Variants in KANSL1L observed in about 807,000 individuals in gnomAD.
The protein encoded by KANSL1L is KAT8 regulatory NSL complex subunit 1-like protein.
KANSL1L carries 25 observed loss-of-function variants against 108.6 expected under a neutral mutation model. That is an observed-to-expected ratio of 0.23 (90% CI 0.17 to 0.32). The LOEUF (loss-of-function observed/expected upper bound fraction) is 0.32, where lower values mean the gene tolerates loss of function less well. Among genes scored for constraint, KANSL1L ranks in the 10% least tolerant of loss-of-function variants. KANSL1L has a pLI of 1.00. For missense variants in KANSL1L, 1,137 were observed against 1,125.7 expected (o/e 1.01, Z -0.14); for synonymous variants, 405 against 395.1 (o/e 1.03, Z -0.30).
chr2:210,044,036 A>T lies in KANSL1L; in HGVS notation c.1824T>A (p.Thr608=). 1.2e-6 allele frequency: 2 copies of T among 1,609,108 alleles called. No individual in the cohort carries two copies. The highest frequency in any genetic ancestry group is 8.5e-7 in the Non-Finnish European group (1 of 1,177,204). ...TQMPCLQSAS[T]WSSYEHNSES... ...CCGAATTGTGTTCATAGCTACTCCA[A>T]GTTGAAGCTGATTGCAGGCAAGGCA... Residue 608 remains threonine, a synonymous_variant, in exon 7 of 15, where the codon ACT becomes ACA. Transcript: ENST00000281772. This position sits in a 1 kb window ranked among gnomAD's most constrained non-coding sequence, Gnocchi z 4.2.
intron 6 of KANSL1L, among the ~76,000 whole-genome samples, chr2:210,055,934 C>T (rs1418240928): frequency 1.3e-5 from 2 of 152,258 alleles, no homozygotes; most frequent in Non-Finnish European, 2.9e-5. Flanking sequence ...GAATGTTAAT[C>T]ACCAAGACAA....
intron 4 of KANSL1L, 142 bp downstream of exon 4, chr2:210,103,961 AT>A: frequency 3.3e-6 from 2 of 597,818 alleles, no homozygotes. Flanking sequence ...TATGTCAAAT[AT>A]TTTAATTGTA....
chr2:210,132,769 A>G (rs2095133645), intron 2 of KANSL1L, among the ~76,000 whole-genome samples: 1 of 152,104 alleles, frequency 6.6e-6, no homozygotes, highest in South Asian at 2.1e-4. Context: ...GAAGATATGG[A>G]TCTGCTGTTC....
intron 4 of KANSL1L, 95 bp from the exon 5 acceptor site, chr2:210,098,302 A>T (rs2094758663): frequency 2.8e-6 from 3 of 1,086,988 alleles, no homozygotes; most frequent in Admixed American, 2.7e-5. Context: ...ACTTCTCATG[A>T]CACACATGTT....
intron 6 of KANSL1L, among the ~76,000 whole-genome samples, chr2:210,075,321 T>C (rs1051666135): frequency 5.3e-5 from 8 of 152,082 alleles, no homozygotes; most frequent in Admixed American, 4.6e-4. Context: ...TTAAAAAAAC[T>C]GGGGATGTGA....
chr2:210,138,966 G>T (rs2095201603), intron 2 of KANSL1L, among the ~76,000 whole-genome samples: 1 of 152,030 alleles, frequency 6.6e-6, no homozygotes, highest in Non-Finnish European at 1.5e-5. Context: ...AGGTGTGGTG[G>T]CAGGTGTCTG....
In KANSL1L at chr2:210,044,148, A is replaced by G. The variant is rs371641249; in HGVS notation, c.1756-44T>C. ...TTAGAATATCACAGCCAAAGCATCC[A>G]TAAATGGCATATCTCTACATTTATT... On this transcript the variant is annotated intron_variant, in intron 6 of 14. Transcript: ENST00000281772. The surrounding 1 kb of genome is among the most constrained non-coding windows in gnomAD (Gnocchi z 4.2). 9 of 1,329,312 alleles carry G rather than the reference A, an allele frequency of 6.8e-6. No individual in the cohort carries two copies. In the African/African-American group the frequency reaches 1.0e-4, roughly 15 times the overall value. 82.3% of individuals were successfully genotyped at this position (1,329,312 alleles called of 1,614,324 possible).
At chr2:210,119,665 T>G (rs1249831631) in intron 3 of KANSL1L, among the ~76,000 whole-genome samples, 1 of 152,082 alleles carries the variant, frequency 6.6e-6, no homozygotes, top group African/African-American at 2.4e-5. Flanking sequence ...CTTCAATAAA[T>G]TGGGTATAAA....
At chr2:210,030,860 ATTTCT>A (rs893484233) in intron 9 of KANSL1L, 12 of 152,030 alleles carry the variant, frequency 7.9e-5, no homozygotes, top group Non-Finnish European at 1.6e-4. Context: ...GTAGTATGAC[ATTTCT>A]TTATTTTATT....
At chr2:210,074,477 C>T (rs759041865) in intron 6 of KANSL1L, among the ~76,000 whole-genome samples, 2 of 152,046 alleles carry the variant, frequency 1.3e-5, no homozygotes, top group Non-Finnish European at 2.9e-5. Flanking sequence ...TTACAGGCAC[C>T]GCCACCACGC....
At chr2:210,047,435 C>A (rs1051823480) in intron 6 of KANSL1L, among the ~76,000 whole-genome samples, 1 of 152,140 alleles carries the variant, frequency 6.6e-6, no homozygotes, top group Non-Finnish European at 1.5e-5. Context: ...CCACAAGACA[C>A]TAGAACATGA....
At chr2:210,144,921 T>C (rs573699634) in intron 2 of KANSL1L, among the ~76,000 whole-genome samples, 26 of 152,228 alleles carry the variant, frequency 1.7e-4, no homozygotes, top group African/African-American at 2.9e-4. Context: ...GTCTGCATAG[T>C]TGATGAAGCA....
chr2:210,084,605 ATTTC>A (rs1293055651), intron 5 of KANSL1L, among the ~76,000 whole-genome samples: 12 of 151,764 alleles, frequency 7.9e-5, no homozygotes, highest in Admixed American at 4.6e-4. Flanking sequence ...CAATATAGTG[ATTTC>A]TTTTTTTTTT....
At chr2:210,116,563 G>A (rs1049182867) in intron 3 of KANSL1L, among the ~76,000 whole-genome samples, 1 of 152,120 alleles carries the variant, frequency 6.6e-6, no homozygotes, top group Non-Finnish European at 1.5e-5. Flanking sequence ...GTGTTTCCCT[G>A]GGGGAAAGTA....
At chr2:210,023,308 T>TC in intron 14 of KANSL1L, 129 bp from the exon 15 acceptor site, 1 of 664,882 alleles carries the variant, frequency 1.5e-6, no homozygotes, top group Non-Finnish European at 2.6e-6. Flanking sequence ...GTACAATTTT[T>TC]CATTTCAACT....
At chr2:210,054,317 A>G (rs1361999016) in intron 6 of KANSL1L, among the ~76,000 whole-genome samples, 1 of 27,374 alleles carries the variant, frequency 3.7e-5, no homozygotes, top group Non-Finnish European at 8.4e-5. Context: ...GCGAGACTCC[A>G]TCTCAAAAAA....
At chr2:210,169,950 A>G (rs574459485) in intron 1 of KANSL1L, among the ~76,000 whole-genome samples, 1 of 152,212 alleles carries the variant, frequency 6.6e-6, no homozygotes, top group Admixed American at 6.5e-5. Context: ...TCTTTCTTAC[A>G]ATCTCTTAAG....
At position 210,143,681 on chromosome 2, in the gene KANSL1L, G is replaced by A. The variant is rs561417181; in HGVS notation, c.1088+9814C>T. On this transcript the variant is annotated intron_variant, in intron 2 of 14. Transcript: ENST00000281772. ...TAGGCTTAAGAAAGAACAATTCATA[G>A]TTATTAGGAGTCTATTTCAAGCTGA... Among the ~76,000 whole-genome samples the A allele has an allele frequency of 2.1e-3, 320 of 152,150 alleles. 1 individual carries two copies. The highest frequency in any genetic ancestry group is 3.4e-3 in the Middle Eastern group (1 of 294).
chr2:210,172,036 A>G (rs954023260), upstream of KANSL1L, among the ~76,000 whole-genome samples: 1 of 152,052 alleles, frequency 6.6e-6, no homozygotes, highest in African/African-American at 2.4e-5. Flanking sequence ...AGTCTCTACA[A>G]ATCTGGTTTG....
Sources: gnomAD v4.1 joint callset for allele counts (sites outside exome capture counted in the v4.1 genomes callset) on GRCh38, gnomAD v4.1.1 for gene constraint, Gnocchi (gnomAD v3.1) non-coding constraint, MANE v1.5 for transcripts, NCBI Gene and HGNC (gene_info 2026-07-23, HGNC 2026-07-21) for gene names.